The following ATG16L2 variants were observed in gnomAD, a reference collection of about 807,000 sequenced individuals.
The protein encoded by ATG16L2 is protein Atg16l2.
In ATG16L2, 77 loss-of-function variants were observed where a neutral mutation model predicts 84.7. The observed-to-expected ratio is 0.91, with a 90% CI of 0.76 to 1.10. The LOEUF is 1.10. ATG16L2 is among the 50% of genes least tolerant of loss of function. The pLI, the probability that ATG16L2 is intolerant of heterozygous loss-of-function variation, is 0.00. For missense variants in ATG16L2, 782 were observed against 817.6 expected (o/e 0.96, Z 0.53); for synonymous variants, 361 against 342.8 (o/e 1.05, Z -0.59).
chr11:72,832,517 C>T (rs189398803), downstream of ATG16L2, among the ~76,000 whole-genome samples: 206 of 152,334 alleles, frequency 1.4e-3, no homozygotes, highest in African/African-American at 4.9e-3. Flanking sequence ...AGCGGGAAGG[C>T]TGTTCCTCCC....
intron 2 of ATG16L2, 57 bp from the exon 3 acceptor site, chr11:72,817,699 C>T (rs1317863176): frequency 6.4e-6 from 10 of 1,562,918 alleles, no homozygotes; most frequent in Non-Finnish European, 8.8e-6. Flanking sequence ...CACTTGGGTG[C>T]CTTTGGGCAC....
chr11:72,838,938 A>C, intron 5 of ATG16L2: 2 of 1,436,662 alleles, frequency 1.4e-6, no homozygotes, highest in East Asian at 2.4e-5. Flanking sequence ...AAGCATCCCC[A>C]AAACCTAATC....
intron 5 of ATG16L2, chr11:72,836,981 A>G (rs2135139487): frequency 6.6e-6 from 1 of 152,648 alleles, no homozygotes; most frequent in East Asian, 1.9e-4. Context: ...TTAAAATACA[A>G]CAAAAGATTT....
intron 3 of ATG16L2, among the ~76,000 whole-genome samples, chr11:72,820,489 T>C (rs754250782): frequency 1.3e-5 from 2 of 152,146 alleles, no homozygotes; most frequent in African/African-American, 4.8e-5. Flanking sequence ...ACAACATAAA[T>C]GAAAGCAAGT....
Position 72,822,721 on chromosome 11 carries a change from C to A in ATG16L2, c.711-127C>A. 9.8e-7 allele frequency: 1 copy of A among 1,018,878 alleles called. No individual in the cohort carries two copies. The highest frequency in any genetic ancestry group is 1.4e-6 in the Non-Finnish European group (1 of 695,296). 63.1% of individuals were successfully genotyped at this position (1,018,878 alleles called of 1,614,324 possible). On this transcript the variant is annotated intron_variant, in intron 6 of 17. Coordinates refer to ENST00000321297, the MANE Select transcript of ATG16L2 (RefSeq NM_033388.2). This position sits in a 1 kb window ranked among gnomAD's most constrained non-coding sequence, Gnocchi z 4.2. The stretch of plus-strand genomic sequence containing the variant: ...GGTCGTAGGAGCCTGCATGCGTGAC[C>A]GCTGCACGTGTACACCCACACAGAA...
rs1463343909 is a variant in ATG16L2 at position 72,822,668 on chromosome 11, C to T, written c.710+125C>T. ...TCCTGAGGCCCCCATGTGGTCGGAGCCCACGAGACACCTGCAGAGGACCGT... is the reference window on the plus strand; with the variant it reads ...TCCTGAGGCCCCCATGTGGTCGGAGTCCACGAGACACCTGCAGAGGACCGT... On this transcript the variant is annotated intron_variant, in intron 6 of 17. Transcript: ENST00000321297. The surrounding 1 kb of genome is among the most constrained non-coding windows in gnomAD (Gnocchi z 4.2). 5 of 1,279,184 alleles carry T rather than the reference C, an allele frequency of 3.9e-6. No individual in the cohort carries two copies. In the Admixed American group the frequency reaches 1.3e-4, roughly 34 times the overall value. The allele number at this position is 1,279,184 out of a possible 1,614,324, so 79.2% of individuals were successfully genotyped here. A position where few individuals can be genotyped will look rare whatever the true frequency, so the allele number is the denominator to read the frequency against.
chr11:72,828,313 C>T, intron 14 of ATG16L2, 46 bp from the exon 15 acceptor site: 3 of 1,608,038 alleles, frequency 1.9e-6, no homozygotes, highest in Non-Finnish European at 2.6e-6. Flanking sequence ...TCAGGAGTGG[C>T]CTGGCTAGGC....
In ATG16L2 at chr11:72,826,781, C is replaced by T. The variant is rs781326474; in HGVS notation, c.1324C>T (p.Arg442Cys). Reference protein sequence around the residue: ...LTRHQAVTGSRDRTVKEWDLG... With the variant: ...LTRHQAVTGSCDRTVKEWDLG... ...GAGGCACCAGGCAGTGACTGGGAGC[C>T]GCGACCGGACAGTGAAGGAGTGGGA... Residue 442 changes from arginine to cysteine, a missense_variant, in exon 13 of 18, where the codon CGC becomes TGC. Coordinates refer to ENST00000321297, the MANE Select transcript of ATG16L2 (RefSeq NM_033388.2). 29 of 1,613,914 alleles carry T rather than the reference C, an allele frequency of 1.8e-5. No homozygotes were observed. Among genetic ancestry groups the T allele is most frequent in the Admixed American group, 5.0e-5 (3 of 59,996 alleles).
chr11:72,840,918 A>G, intron 5 of ATG16L2: 9 of 1,613,438 alleles, frequency 5.6e-6, no homozygotes, highest in Non-Finnish European at 7.6e-6. Flanking sequence ...GTATGCCTTG[A>G]TGCCTGTGAG....
At chr11:72,829,724 C>T (rs1860563673), downstream of ATG16L2, 3 of 864,240 alleles carry the variant, frequency 3.5e-6, no homozygotes, top group South Asian at 4.2e-5. Flanking sequence ...CCCCCTTCCT[C>T]CTTCCATACA....
Position 72,826,887 on chromosome 11 carries a change from AG to A in ATG16L2, c.1366+67del, listed in dbSNP as rs1171214345. The A allele has an allele frequency of 1.6e-4, 257 of 1,577,008 alleles. No homozygotes were observed. The South Asian group carries it at 2.3e-3, about 14-fold the overall frequency. ...GCCAGGAGCCCCAGGCCAGGGCACAAGGGACCTCACCTGCTCTCTGGGAGTG... is the reference window on the plus strand; with the variant it reads ...GCCAGGAGCCCCAGGCCAGGGCACAAGGACCTCACCTGCTCTCTGGGAGTG... On this transcript the variant is annotated intron_variant, in intron 13 of 17. Coordinates refer to ENST00000321297, the MANE Select transcript of ATG16L2 (RefSeq NM_033388.2).
At chr11:72,829,890 C>T (rs192817013), downstream of ATG16L2, among the ~76,000 whole-genome samples, 2 of 152,272 alleles carry the variant, frequency 1.3e-5, no homozygotes, top group Admixed American at 1.3e-4. Context: ...CATGTTGGGC[C>T]CACCTGCTTC....
rs764106685 is a variant in ATG16L2 at position 72,822,078 on chromosome 11, C to G, written c.427C>G (p.Arg143Gly). The change falls in exon 5 of 18, where the codon CGA becomes GGA. Residue 143 changes from arginine (R) to glycine (G), a missense_variant. Coordinates refer to ENST00000321297, the MANE Select transcript of ATG16L2 (RefSeq NM_033388.2). The surrounding 1 kb of genome is among the most constrained non-coding windows in gnomAD (Gnocchi z 4.2). ...AALEARVAQL[R>G]EARAQQAQQV... Reference sequence around the variant, plus strand: ...CCTGGAGGCCCGCGTGGCGCAGCTGCGAGAGGCGCGGGCGCAGCAGGCCCA... The same window carrying G: ...CCTGGAGGCCCGCGTGGCGCAGCTGGGAGAGGCGCGGGCGCAGCAGGCCCA... 21 of 1,522,412 alleles carry G rather than the reference C, an allele frequency of 1.4e-5. No homozygotes were observed. The highest frequency in any genetic ancestry group is 2.3e-4 in the Middle Eastern group (1 of 4,300). 94.3% of individuals were successfully genotyped at this position (1,522,412 alleles called of 1,614,324 possible).
intron 5 of ATG16L2, chr11:72,841,618 C>G: frequency 6.4e-7 from 1 of 1,556,458 alleles, no homozygotes; most frequent in East Asian, 2.3e-5. Context: ...CCCGGTGCTC[C>G]CCTCCAGGAA....
intron 5 of ATG16L2, chr11:72,838,616 G>C: frequency 1.7e-6 from 1 of 596,840 alleles, no homozygotes; most frequent in Non-Finnish European, 3.0e-6. Flanking sequence ...AAAAAAAAAG[G>C]CACGAAATAT....
chr11:72,823,023 G>A, intron 7 of ATG16L2, 62 bp downstream of exon 7: 1 of 1,253,418 alleles, frequency 8.0e-7, no homozygotes, highest in Non-Finnish European at 1.1e-6. Context: ...GGCTGCCAGG[G>A]TCTTCCTCTT....
Position 72,822,567 on chromosome 11 carries a change from C to T in ATG16L2, c.710+24C>T, listed in dbSNP as rs370540910. The T allele has an allele frequency of 1.9e-6, 3 of 1,607,976 alleles. No homozygotes were observed. Among genetic ancestry groups the T allele is most frequent in the East Asian group, 4.5e-5 (2 of 44,640 alleles). On this transcript the variant is annotated intron_variant, in intron 6 of 17. Coordinates refer to ENST00000321297, the MANE Select transcript of ATG16L2 (RefSeq NM_033388.2). This position sits in a 1 kb window ranked among gnomAD's most constrained non-coding sequence, Gnocchi z 4.2. ...GAGTAAGAGTGGGGATGGGCCGGTC[C>T]GACCCTTGCGTTCTGCCTCCCGCCC...
intron 5 of ATG16L2, among the ~76,000 whole-genome samples, chr11:72,834,808 C>T (rs1469706653): frequency 6.6e-6 from 1 of 152,228 alleles, no homozygotes; most frequent in East Asian, 1.9e-4. Context: ...TGGTCTCAAA[C>T]TCCTGATCTC....
Position 72,824,525 on chromosome 11 carries a change from T to C in ATG16L2, c.888-209T>C, listed in dbSNP as rs910162380. The C allele has an allele frequency of 4.4e-5, 26 of 592,220 alleles. No homozygotes were observed. The Admixed American group carries it at 4.9e-4, about 11-fold the overall frequency. 36.7% of individuals were successfully genotyped at this position (592,220 alleles called of 1,614,324 possible). On this transcript the variant is annotated intron_variant, in intron 8 of 17. Coordinates refer to ENST00000321297, the MANE Select transcript of ATG16L2 (RefSeq NM_033388.2). ...GCACCCACCAACCCTACCCTGCTCC[T>C]GTGTCTGCCTCTGTGTGCTCCCCAC...
Sources: allele counts gnomAD v4.1 joint callset (sites outside exome capture counted in the v4.1 genomes callset), GRCh38; gene constraint gnomAD v4.1.1; non-coding constraint Gnocchi (gnomAD v3.1); transcripts MANE v1.5; gene names NCBI Gene and HGNC (gene_info 2026-07-23, HGNC 2026-07-21).